The following SEZ6 variants were observed in gnomAD, a reference collection of about 807,000 sequenced individuals.
SEZ6 encodes the protein seizure related 6 homolog.
Under a neutral mutation model 101.0 loss-of-function variants are expected in SEZ6, and 53 were observed. The ratio of observed to expected loss-of-function variants is 0.52; its 90% CI spans 0.42 to 0.66. SEZ6 has a LOEUF of 0.66. SEZ6 is among the 30% of genes least tolerant of loss of function. The pLI is 0.00. For synonymous variants in SEZ6, 488 were observed against 512.2 expected (o/e 0.95, Z 0.64); for missense variants, 1,102 against 1,289.4 (o/e 0.85, Z 2.23).
intron 1 of SEZ6, among the ~76,000 whole-genome samples, chr17:28,988,695 A>G (rs781327743): frequency 1.3e-5 from 2 of 152,222 alleles, no homozygotes; most frequent in African/African-American, 4.8e-5. Flanking sequence ...CCTGCAGTCC[A>G]GTCAAATTTG....
chr17:28,958,831 C>T (rs1457288140), intron 10 of SEZ6, among the ~76,000 whole-genome samples, 194 bp downstream of exon 10: 1 of 151,884 alleles, frequency 6.6e-6, no homozygotes, highest in Non-Finnish European at 1.5e-5. Flanking sequence ...CCTACCCAAA[C>T]CCCTCTTGCC....
In SEZ6 at chr17:28,960,550, TA is replaced by T; in HGVS notation, c.1530del (p.Ser510ArgfsTer131). On this transcript the variant is annotated frameshift_variant, in exon 7 of 17. Transcript: ENST00000317338. LOFTEE classifies it high-confidence loss of function. Reference protein sequence around the residue: ...SSGKHFFVELSTDSSGAAAGM... With the variant: ...SSGKHFFVELXTDSSGAAAGM... ...CCTGCAGCTGCCCCGCTGCTGTCAG[TA>T]CTGAGCTCAACAAAGAAGTGTTTGC... 6.3e-7 allele frequency: 1 copy of T among 1,593,728 alleles called. No homozygotes were observed. The highest frequency in any genetic ancestry group is 8.5e-7 in the Non-Finnish European group (1 of 1,170,550).
At chr17:28,974,388 C>T (rs1180203572) in intron 3 of SEZ6, among the ~76,000 whole-genome samples, 1 of 152,178 alleles carries the variant, frequency 6.6e-6, no homozygotes. Flanking sequence ...AATCCAAACT[C>T]TCACACTATG....
At chr17:28,956,107 A>C in intron 16 of SEZ6, 52 bp downstream of exon 16, 1 of 1,598,470 alleles carries the variant, frequency 6.3e-7, no homozygotes, top group Admixed American at 1.7e-5. Flanking sequence ...CTGCCCAAAG[A>C]AGCAAAGAAC....
intron 5 of SEZ6, among the ~76,000 whole-genome samples, chr17:28,963,237 C>T (rs1397279686): frequency 6.6e-6 from 1 of 152,182 alleles, no homozygotes; most frequent in Non-Finnish European, 1.5e-5. Context: ...GACCTGATCA[C>T]TCAGGACCAG....
intron 11 of SEZ6, 53 bp downstream of exon 11, chr17:28,957,893 GA>G: frequency 6.4e-7 from 1 of 1,569,396 alleles, no homozygotes; most frequent in Non-Finnish European, 8.7e-7. Flanking sequence ...GAATCCAGGA[GA>G]GAGGTTTGGA....
chr17:28,968,194 C>A (rs1013939830), intron 4 of SEZ6, among the ~76,000 whole-genome samples: 1 of 152,244 alleles, frequency 6.6e-6, no homozygotes, highest in African/African-American at 2.4e-5. Flanking sequence ...GCACACGCTC[C>A]TCCTGTTCCC....
chr17:28,972,604 C>A (rs768049950), intron 3 of SEZ6, among the ~76,000 whole-genome samples: 1 of 152,216 alleles, frequency 6.6e-6, no homozygotes, highest in Non-Finnish European at 1.5e-5. Flanking sequence ...CACGTTTGGG[C>A]GGAGGCTGCC....
At chr17:28,956,067 G>A in intron 16 of SEZ6, 73 bp from the exon 17 acceptor site, 1 of 1,599,204 alleles carries the variant, frequency 6.3e-7, no homozygotes, top group Non-Finnish European at 8.5e-7. Context: ...GGGAAAAAGT[G>A]AGAGGGCTTG....
chr17:28,967,623 A>G (rs2041089895), intron 4 of SEZ6, among the ~76,000 whole-genome samples: 1 of 152,088 alleles, frequency 6.6e-6, no homozygotes, highest in Non-Finnish European at 1.5e-5. Context: ...AGGTTAACTG[A>G]CGCCTAGTGG....
In SEZ6 at chr17:28,959,302, A is replaced by C. The variant is rs761458950; in HGVS notation, c.1910+32T>G. On this transcript the variant is annotated intron_variant, in intron 9 of 16. Coordinates refer to ENST00000317338, the MANE Select transcript of SEZ6 (RefSeq NM_178860.5). This position sits in a 1 kb window ranked among gnomAD's most constrained non-coding sequence, Gnocchi z 4.4. ...ACAAGGGATATCCCCAGACCTCAGG[A>C]GTTGGCTCGGCCTGACCCGGTAGGC... 1.9e-6 allele frequency: 3 copies of C among 1,613,950 alleles called. No individual in the cohort carries two copies. Among genetic ancestry groups the C allele is most frequent in the Non-Finnish European group, 1.7e-6 (2 of 1,179,868 alleles).
chr17:28,984,523 C>A (rs138972451), intron 1 of SEZ6, among the ~76,000 whole-genome samples: 1 of 152,344 alleles, frequency 6.6e-6, no homozygotes, highest in Non-Finnish European at 1.5e-5. Context: ...CACAGCTCTT[C>A]CCGCTGGCTG....
At chr17:29,000,480 G>A (rs1404048239) in intron 1 of SEZ6, among the ~76,000 whole-genome samples, 8 of 152,190 alleles carry the variant, frequency 5.3e-5, no homozygotes, top group African/African-American at 1.2e-4. Flanking sequence ...CAGGCCTCAC[G>A]TCTCAATATA....
intron 4 of SEZ6, among the ~76,000 whole-genome samples, chr17:28,968,060 G>A (rs900608804): frequency 1.3e-5 from 2 of 152,162 alleles, no homozygotes; most frequent in African/African-American, 4.8e-5. Context: ...TAAGGCCCTT[G>A]TGAGGGCTCA....
At chr17:28,969,978 G>C (rs372457620) in intron 3 of SEZ6, 26 bp from the exon 4 acceptor site, 1 of 1,513,198 alleles carries the variant, frequency 6.6e-7, no homozygotes, top group African/African-American at 1.5e-5. Context: ...AGAGAGAAAA[G>C]CAAAGTAGTC....
At position 29,005,302 on chromosome 17, in the gene SEZ6, C is replaced by CCCGGGTCCGGCCGCCAT. The variant is rs1376186226; in HGVS notation, c.55+496_55+512dup. Among the ~76,000 whole-genome samples the CCCGGGTCCGGCCGCCAT allele has an allele frequency of 6.6e-6, 1 of 152,142 alleles. No homozygotes were observed. The highest frequency in any genetic ancestry group is 1.9e-4 in the East Asian group (1 of 5,156). ...ATGGGGAGGTGAGCGAGGTCCCAAC[C>CCCGGGTCCGGCCGCCAT]CCGGGTCCGGCCGCCATCCGGCCCC... On this transcript the variant is annotated intron_variant, in intron 1 of 16. Transcript: ENST00000317338. This position sits in a 1 kb window ranked among gnomAD's most constrained non-coding sequence, Gnocchi z 4.8.
chr17:28,960,718 T>C, intron 6 of SEZ6, 47 bp from the exon 7 acceptor site: 1 of 1,612,410 alleles, frequency 6.2e-7, no homozygotes. Context: ...CTGACCCAGA[T>C]GGGGTGTGGC....
chr17:28,963,492 T>C (rs779652216), intron 5 of SEZ6, among the ~76,000 whole-genome samples: 2 of 152,220 alleles, frequency 1.3e-5, no homozygotes, highest in African/African-American at 4.8e-5. Context: ...CCTGGCTGTC[T>C]TCTGTGTCCC....
chr17:28,970,010 A>G, intron 3 of SEZ6, 58 bp from the exon 4 acceptor site: 1 of 1,460,204 alleles, frequency 6.8e-7, no homozygotes, highest in Non-Finnish European at 9.0e-7. Flanking sequence ...TGCTGCCTGG[A>G]TCCTGCCGCC....
Sources: gnomAD v4.1 joint callset for allele counts (sites outside exome capture counted in the v4.1 genomes callset) on GRCh38, gnomAD v4.1.1 for gene constraint, Gnocchi (gnomAD v3.1) non-coding constraint, MANE v1.5 for transcripts, NCBI Gene and HGNC (gene_info 2026-07-23, HGNC 2026-07-21) for gene names.